Variants in TMEM131L observed in about 807,000 individuals in gnomAD.
TMEM131L encodes transmembrane protein 131-like.
TMEM131L carries 54 observed loss-of-function variants against 192.2 expected under a neutral mutation model. The ratio of observed to expected loss-of-function variants is 0.28; its 90% CI spans 0.23 to 0.35. The LOEUF is 0.35. Ranked by LOEUF, TMEM131L falls within the 10% of genes least tolerant of loss-of-function variation. TMEM131L has a pLI of 1.00. For synonymous variants in TMEM131L, 701 were observed against 704.9 expected, an observed-to-expected ratio of 0.99 and a Z score of 0.09; for missense variants, 1,888 against 1,972.9, an observed-to-expected ratio of 0.96 and a Z score of 0.82.
intron 1 of TMEM131L, 121 bp from the exon 2 acceptor site, chr4:153,467,090 C>A: frequency 1.0e-6 from 1 of 976,786 alleles, no homozygotes; most frequent in Non-Finnish European, 1.6e-6. Context: ...GGCCTCTGTT[C>A]CCAGGAGGAA....
chr4:153,552,404 C>T (rs1737692881), intron 4 of TMEM131L, among the ~76,000 whole-genome samples: 1 of 152,146 alleles, frequency 6.6e-6, no homozygotes, highest in Admixed American at 6.5e-5. Context: ...ATAGTCGATG[C>T]ACATGGGGGT....
chr4:153,543,591 C>G (rs146695876), intron 3 of TMEM131L, among the ~76,000 whole-genome samples: 2 of 152,132 alleles, frequency 1.3e-5, no homozygotes, highest in East Asian at 3.8e-4. Flanking sequence ...GGTATAGACA[C>G]CCCCCAGGCT....
Position 153,603,372 on chromosome 4 carries a change from A to G in TMEM131L, c.2709A>G (p.Lys903=). 6.2e-7 allele frequency: 1 copy of G among 1,614,058 alleles called. No homozygotes were observed. The highest frequency in any genetic ancestry group is 2.2e-5 in the East Asian group (1 of 44,864). Residue 903 remains lysine (K), a synonymous_variant, in exon 24 of 35, where the codon AAA becomes AAG. Transcript: ENST00000409959. The part of the protein sequence containing the change: ...QAQYILMEFM[K]TRQRQNASSS... ...AGTACATTCTCATGGAATTCATGAA[A>G]ACAAGACAGAGGCAAAATGCTAGCT...
chr4:153,493,068 T>C (rs1732898702), intron 3 of TMEM131L, among the ~76,000 whole-genome samples: 1 of 152,134 alleles, frequency 6.6e-6, no homozygotes, highest in Admixed American at 6.5e-5. Flanking sequence ...TGCTTGGGAC[T>C]GGGTGCGGTG....
In TMEM131L at chr4:153,567,759, T is replaced by C. The variant is rs111458238; in HGVS notation, c.660+9391T>C. 4.5e-3 allele frequency among the ~76,000 whole-genome samples: 688 copies of C among 152,240 alleles called. 6 individuals are homozygous for C. The highest frequency in any genetic ancestry group is 0.016 in the African/African-American group (649 of 41,532). ...GGTTTCACCACGTTGGCCTGGCTGG[T>C]CTCGAACTTCTGACCTCAGGTGATC... On this transcript the variant is annotated intron_variant, in intron 7 of 34. Coordinates refer to ENST00000409959, the MANE Select transcript of TMEM131L (RefSeq NM_001131007.2).
rs1378660339 is a variant in TMEM131L at position 153,621,820 on chromosome 4, G to A, written c.3830G>A (p.Ser1277Asn). 1 of 1,614,158 alleles carries A rather than the reference G, an allele frequency of 6.2e-7. No individual in the cohort carries two copies. The highest frequency in any genetic ancestry group is 8.5e-7 in the Non-Finnish European group (1 of 1,180,010). ...EVCKADAEIA[S>N]SLPAAQREAE... is the part of the protein sequence containing the mutation. ...TGTAAAGCAGATGCCGAAATTGCAA[G>A]CAGTTTACCTGCTGCCCAGAGAGAG... Residue 1277 changes from serine (S) to asparagine (N), a missense_variant, in exon 28 of 35, where the codon AGC becomes AAC. Ser to Asn is a conservative substitution (Grantham distance 46). Transcript: ENST00000409959.
chr4:153,561,655 G>A (rs943112598), intron 7 of TMEM131L, among the ~76,000 whole-genome samples: 1 of 152,108 alleles, frequency 6.6e-6, no homozygotes, highest in East Asian at 1.9e-4. Context: ...TATCCTTGTT[G>A]ACCTCTCATC....
intron 3 of TMEM131L, among the ~76,000 whole-genome samples, chr4:153,542,793 G>T (rs1443167051): frequency 6.6e-6 from 1 of 152,226 alleles, no homozygotes; most frequent in Non-Finnish European, 1.5e-5. Flanking sequence ...AGACAGAGCT[G>T]GGAGGGAGAT....
At chr4:153,587,937 G>C in intron 15 of TMEM131L, 126 bp downstream of exon 15, 1 of 719,612 alleles carries the variant, frequency 1.4e-6, no homozygotes, top group Non-Finnish European at 2.5e-6. Context: ...TAGAGAGGAT[G>C]ATCATTAACA....
intron 7 of TMEM131L, among the ~76,000 whole-genome samples, chr4:153,572,779 T>C (rs1380889772): frequency 6.6e-6 from 1 of 152,202 alleles, no homozygotes; most frequent in Non-Finnish European, 1.5e-5. Flanking sequence ...ACATTCACAG[T>C]GTTGTACAGT....
intron 32 of TMEM131L, among the ~76,000 whole-genome samples, chr4:153,633,962 T>C (rs1426263823): frequency 1.3e-5 from 2 of 152,228 alleles, no homozygotes; most frequent in African/African-American, 4.8e-5. Flanking sequence ...CAAGCATAGT[T>C]AAAAACAAGT....
At chr4:153,631,696 A>G (rs1048893970) in intron 31 of TMEM131L, among the ~76,000 whole-genome samples, 3 of 152,224 alleles carry the variant, frequency 2.0e-5, no homozygotes, top group Non-Finnish European at 2.9e-5. Context: ...CTTGTGTCCA[A>G]GAAGTCAACT....
chr4:153,620,555 T>C (rs1733317272), intron 26 of TMEM131L, among the ~76,000 whole-genome samples: 2 of 152,222 alleles, frequency 1.3e-5, no homozygotes, highest in African/African-American at 4.8e-5. Context: ...CAACAATTCT[T>C]TTTTCTTCTT....
intron 30 of TMEM131L, among the ~76,000 whole-genome samples, chr4:153,626,739 T>G (rs1040624545): frequency 2.6e-5 from 4 of 152,204 alleles, no homozygotes; most frequent in African/African-American, 9.6e-5. Context: ...CACTCTAGCC[T>G]GGGTAACAGA....
chr4:153,560,702 G>A (rs961905615), intron 7 of TMEM131L, among the ~76,000 whole-genome samples: 3 of 152,128 alleles, frequency 2.0e-5, no homozygotes, highest in Admixed American at 6.5e-5. Flanking sequence ...CTTTCCCTTA[G>A]CATGTTTTCA....
intron 3 of TMEM131L, among the ~76,000 whole-genome samples, chr4:153,502,255 A>G (rs1733664999): frequency 1.3e-5 from 2 of 152,146 alleles, no homozygotes; most frequent in Non-Finnish European, 2.9e-5. Context: ...AAACTTGTAT[A>G]TACATCTCAT....
At position 153,623,044 on chromosome 4, in the gene TMEM131L, A is replaced by G. The variant is rs757348956; in HGVS notation, c.4006A>G (p.Lys1336Glu). Residue 1336 changes from lysine to glutamate, a missense_variant, in exon 29 of 35, where the codon AAG becomes GAG. Coordinates refer to ENST00000409959, the MANE Select transcript of TMEM131L (RefSeq NM_001131007.2). Reference sequence around the variant, plus strand: ...CAGCACCAGCAGCTCCGACGGGGATAAGAAGCCCATGGTGGACGCCCAGCA... The same window carrying G: ...CAGCACCAGCAGCTCCGACGGGGATGAGAAGCCCATGGTGGACGCCCAGCA... ...WSSTSSSDGD[K>E]KPMVDAQHFL... The G allele has an allele frequency of 6.2e-7, 1 of 1,613,226 alleles. No individual in the cohort carries two copies. Among genetic ancestry groups the G allele is most frequent in the Non-Finnish European group, 8.5e-7 (1 of 1,179,690 alleles).
intron 18 of TMEM131L, 41 bp downstream of exon 18, chr4:153,592,625 T>G (rs2150851973): frequency 7.7e-7 from 1 of 1,300,734 alleles, no homozygotes; most frequent in South Asian, 1.2e-5. Flanking sequence ...TGGGAAGTAC[T>G]TGGGAAGACT....
At chr4:153,608,975 A>G (rs552775785) in intron 25 of TMEM131L, among the ~76,000 whole-genome samples, 82 of 152,164 alleles carry the variant, frequency 5.4e-4, no homozygotes, top group Non-Finnish European at 9.7e-4. Flanking sequence ...GCACCTCCCA[A>G]CGTCTTCTCC....
Sources: gnomAD v4.1 joint callset for allele counts (sites outside exome capture counted in the v4.1 genomes callset) on GRCh38, gnomAD v4.1.1 for gene constraint, MANE v1.5 for transcripts, NCBI Gene and HGNC (gene_info 2026-07-23, HGNC 2026-07-21) for gene names.